ARHGAP42: variants seen among roughly 807,000 people sequenced by gnomAD.
ARHGAP42 encodes the protein rho GTPase-activating protein 42.
A neutral mutation model predicts 125.0 loss-of-function variants in ARHGAP42; 63 were observed. The ratio of observed to expected loss-of-function variants is 0.50; its 90% CI spans 0.41 to 0.62. The LOEUF is 0.62. Ranked by LOEUF, ARHGAP42 falls within the 20% of genes least tolerant of loss-of-function variation. ARHGAP42 has a pLI of 0.00. For missense variants in ARHGAP42, 766 were observed against 1,024.2 expected (o/e 0.75, Z 3.44); for synonymous variants, 339 against 351.0 (o/e 0.97, Z 0.38).
At chr11:100,852,908 A>G (rs80050281) in intron 3 of ARHGAP42, among the ~76,000 whole-genome samples, 4,712 of 152,244 alleles carry the variant, frequency 0.031, 152 homozygotes, top group African/African-American at 0.08. Context: ...TAACCTTACC[A>G]GTATCCCCGA....
chr11:100,721,705 C>T (rs1048214849), intron 1 of ARHGAP42, among the ~76,000 whole-genome samples: 2 of 152,110 alleles, frequency 1.3e-5, no homozygotes, highest in Non-Finnish European at 2.9e-5. Context: ...AGCTCCTGAC[C>T]TCAGGTGATC....
intron 1 of ARHGAP42, among the ~76,000 whole-genome samples, chr11:100,703,423 G>A (rs1220959091): frequency 6.6e-6 from 1 of 151,994 alleles, no homozygotes; most frequent in Non-Finnish European, 1.5e-5. Flanking sequence ...CAGGATCATT[G>A]TAATTGGAAT....
intron 12 of ARHGAP42, among the ~76,000 whole-genome samples, chr11:100,958,235 G>T (rs1304314077): frequency 6.6e-6 from 1 of 151,754 alleles, no homozygotes; most frequent in African/African-American, 2.4e-5. Context: ...TTAGTGTTAT[G>T]CTGGGCATTT....
intron 4 of ARHGAP42, among the ~76,000 whole-genome samples, chr11:100,876,110 C>G (rs1225938535): frequency 1.3e-5 from 2 of 152,164 alleles, no homozygotes; most frequent in African/African-American, 4.8e-5. Flanking sequence ...TCTGGTAGCA[C>G]AAACTTAATA....
Position 100,991,327 on chromosome 11 carries a change from A to G in ARHGAP42, c.*2526A>G, listed in dbSNP as rs892731304. 3.3e-5 allele frequency: 5 copies of G among 152,196 alleles called. No homozygotes were observed. The highest frequency in any genetic ancestry group is 7.2e-5 in the African/African-American group (3 of 41,452). 9.4% of individuals were successfully genotyped at this position (152,196 alleles called of 1,614,324 possible). On this transcript the variant is annotated 3_prime_UTR_variant, in exon 24 of 24. Coordinates refer to ENST00000298815, the MANE Select transcript of ARHGAP42 (RefSeq NM_152432.4). ...CTAAATCACACAGAATGTTAATTCC[A>G]CAGGAAGGCAATGCCAGACATTGAA...
chr11:100,748,842 C>T (rs949822014), intron 1 of ARHGAP42, among the ~76,000 whole-genome samples: 1 of 150,736 alleles, frequency 6.6e-6, no homozygotes. Flanking sequence ...AGAAGACCTT[C>T]AATTATTAAT....
intron 7 of ARHGAP42, among the ~76,000 whole-genome samples, chr11:100,935,934 C>T (rs936631151): frequency 1.3e-5 from 2 of 151,998 alleles, no homozygotes; most frequent in Non-Finnish European, 2.9e-5. Context: ...GAATTTGAGA[C>T]CAGCCTGGGA....
chr11:100,750,510 C>T (rs1314231768), intron 1 of ARHGAP42, among the ~76,000 whole-genome samples: 2 of 120,868 alleles, frequency 1.7e-5, no homozygotes, highest in Admixed American at 1.7e-4. Context: ...GGTGGAGCAC[C>T]TGGACAAGGG....
chr11:100,833,900 A>G (rs1864719540), intron 3 of ARHGAP42, among the ~76,000 whole-genome samples: 1 of 152,228 alleles, frequency 6.6e-6, no homozygotes, highest in African/African-American at 2.4e-5. Flanking sequence ...AGGTAGGTAG[A>G]TACTTTTAAA....
chr11:100,888,240 A>AT, intron 4 of ARHGAP42, among the ~76,000 whole-genome samples: 1 of 152,064 alleles, frequency 6.6e-6, no homozygotes, highest in East Asian at 1.9e-4. Context: ...TCCTTTTAAA[A>AT]AAAAAAAGCT....
intron 1 of ARHGAP42, among the ~76,000 whole-genome samples, chr11:100,757,553 G>A (rs892475957): frequency 2.0e-5 from 3 of 152,122 alleles, no homozygotes; most frequent in East Asian, 3.8e-4. Flanking sequence ...TCATAAAATA[G>A]TATAGTTCAC....
chr11:100,766,208 T>C (rs1051559073), intron 1 of ARHGAP42, among the ~76,000 whole-genome samples: 1 of 142,380 alleles, frequency 7.0e-6, no homozygotes. Flanking sequence ...GTTAGGCAAA[T>C]GGGAAGGATG....
chr11:100,822,489 T>C (rs1324506285), intron 3 of ARHGAP42, among the ~76,000 whole-genome samples: 4 of 152,142 alleles, frequency 2.6e-5, no homozygotes, highest in African/African-American at 9.7e-5. Context: ...CTCTATTGCT[T>C]TTCTTGTAGA....
chr11:100,883,052 G>A (rs1243770547), intron 4 of ARHGAP42, among the ~76,000 whole-genome samples: 1 of 151,756 alleles, frequency 6.6e-6, no homozygotes, highest in East Asian at 1.9e-4. Context: ...TCAGCTTTTG[G>A]TTTCATTTAT....
intron 3 of ARHGAP42, among the ~76,000 whole-genome samples, chr11:100,809,096 A>G (rs1591198896): frequency 6.6e-6 from 1 of 152,264 alleles, no homozygotes; most frequent in East Asian, 1.9e-4. Context: ...AAGGCCTCTA[A>G]GAGGTTTTTT....
At position 100,992,365 on chromosome 11, in the gene ARHGAP42, A is replaced by G. The variant is rs515552; in HGVS notation, c.*3564A>G. The G allele has an allele frequency of 0.25, 399,425 of 1,613,534 alleles. 63,485 individuals are homozygous for G. Among genetic ancestry groups the G allele is most frequent in the East Asian group, 0.78 (35,068 of 44,854 alleles). On this transcript the variant is annotated 3_prime_UTR_variant, in exon 24 of 24. Transcript: ENST00000298815. ...ATCACATCTCCTGGTCAGGTCACGA[A>G]AAAGAACACAGGCTTGACTATTGTC...
chr11:100,860,060 T>C (rs1006852306), intron 4 of ARHGAP42, among the ~76,000 whole-genome samples: 5 of 152,162 alleles, frequency 3.3e-5, no homozygotes, highest in African/African-American at 1.2e-4. Context: ...ACCCTTTTTG[T>C]TAATGTTTAA....
Position 100,992,896 on chromosome 11 carries a change from C to A in ARHGAP42, c.*4095C>A. 1 of 569,792 alleles carries A rather than the reference C, an allele frequency of 1.8e-6. No individual in the cohort carries two copies. The highest frequency in any genetic ancestry group is 1.9e-5 in the African/African-American group (1 of 52,326). 35.3% of individuals were successfully genotyped at this position (569,792 alleles called of 1,614,324 possible). A position where few individuals can be genotyped will look rare whatever the true frequency, so the allele number is the denominator to read the frequency against. ...GGTTTAGGGGGCCCAGCCCATCATT[C>A]CTTTTCCCCTTGGCACTCATGAGAG... On this transcript the variant is annotated 3_prime_UTR_variant, in exon 24 of 24. Transcript: ENST00000298815.
Position 100,933,152 on chromosome 11 carries a change from G to T in ARHGAP42, c.598-4G>T, listed in dbSNP as rs1171646620. Reference sequence around the variant, plus strand: ...ATGGTTTCTTTATCTCTTTATCTTTGCAGCTTTTGTCATTTCTTCAGGGCT... The same window carrying T: ...ATGGTTTCTTTATCTCTTTATCTTTTCAGCTTTTGTCATTTCTTCAGGGCT... On this transcript the variant is annotated splice_polypyrimidine_tract_variant and splice_region_variant and intron_variant, in intron 6 of 23. Coordinates refer to ENST00000298815, the MANE Select transcript of ARHGAP42 (RefSeq NM_152432.4). The T allele has an allele frequency of 5.8e-6, 9 of 1,541,446 alleles. No individual in the cohort carries two copies. Among genetic ancestry groups the T allele is most frequent in the Non-Finnish European group, 7.9e-6 (9 of 1,140,956 alleles).
Sources: allele counts gnomAD v4.1 joint callset (sites outside exome capture counted in the v4.1 genomes callset), GRCh38; gene constraint gnomAD v4.1.1; transcripts MANE v1.5; gene names NCBI Gene and HGNC (gene_info 2026-07-23, HGNC 2026-07-21).